ADAMTS2: variants seen among roughly 807,000 people sequenced by gnomAD.
ADAMTS2 encodes the protein A disintegrin and metalloproteinase with thrombospondin motifs 2.
ADAMTS2 carries 50 observed loss-of-function variants against 123.0 expected under a neutral mutation model. That is an observed-to-expected ratio of 0.41 (90% CI 0.32 to 0.51). The LOEUF is 0.51. ADAMTS2 is among the 20% of genes least tolerant of loss of function. ADAMTS2 has a pLI of 0.35. For synonymous variants in ADAMTS2, 678 were observed against 695.4 expected (o/e 0.98, Z 0.39); for missense variants, 1,494 against 1,705.2 (o/e 0.88, Z 2.18).
chr5:179,187,448 C>CAGTAAA (rs1764197235), intron 4 of ADAMTS2, among the ~76,000 whole-genome samples: 1 of 152,230 alleles, frequency 6.6e-6, no homozygotes, highest in South Asian at 2.1e-4. Context: ...AGTGTCTAGC[C>CAGTAAA]CATAGTAGGT....
intron 3 of ADAMTS2, among the ~76,000 whole-genome samples, chr5:179,245,800 A>AACAAC (rs1765789393): frequency 5.6e-5 from 8 of 142,734 alleles, no homozygotes; most frequent in African/African-American, 2.2e-4. Flanking sequence ...AAAAAACAAA[A>AACAAC]AAAACAAAGA....
In ADAMTS2 at chr5:179,262,855, C is replaced by T. The variant is rs9885424; in HGVS notation, c.688+10056G>A. On this transcript the variant is annotated intron_variant, in intron 3 of 21. Coordinates refer to ENST00000251582, the MANE Select transcript of ADAMTS2 (RefSeq NM_014244.5). The surrounding 1 kb of genome is among the most constrained non-coding windows in gnomAD (Gnocchi z 5.9). ...CGCTGCTACAGCCCCAGCACCCAGT[C>T]CTGTCAGACACATGGTGGACACATA... 0.055 allele frequency among the ~76,000 whole-genome samples: 8,423 copies of T among 152,350 alleles called. 389 individuals carry two copies. Among genetic ancestry groups the T allele is most frequent in the East Asian group, 0.2 (1,016 of 5,186 alleles).
chr5:179,171,823 C>T (rs573727411), intron 5 of ADAMTS2, among the ~76,000 whole-genome samples: 1 of 152,278 alleles, frequency 6.6e-6, no homozygotes, highest in East Asian at 1.9e-4. Context: ...TTCCAGGAGG[C>T]CAATCATCCC....
intron 6 of ADAMTS2, among the ~76,000 whole-genome samples, chr5:179,156,357 C>T (rs1430154423): frequency 6.9e-6 from 1 of 143,950 alleles, no homozygotes; most frequent in Non-Finnish European, 1.5e-5. Context: ...TTTCAGCTTT[C>T]GATTTTTTTT....
chr5:179,218,608 A>C (rs570980091), intron 3 of ADAMTS2, among the ~76,000 whole-genome samples: 1 of 152,334 alleles, frequency 6.6e-6, no homozygotes. Flanking sequence ...CAGCTCATCC[A>C]ATGCCATTTT....
chr5:179,257,463 G>A (rs1045467925), intron 3 of ADAMTS2, among the ~76,000 whole-genome samples: 2 of 152,128 alleles, frequency 1.3e-5, no homozygotes, highest in African/African-American at 2.4e-5. Context: ...CGCCCAGCCC[G>A]GGGAGTCCAG....
rs552568634 is a variant in ADAMTS2 at position 179,268,493 on chromosome 5, C to T, written c.688+4418G>A. On this transcript the variant is annotated intron_variant, in intron 3 of 21. Coordinates refer to ENST00000251582, the MANE Select transcript of ADAMTS2 (RefSeq NM_014244.5). ...GAGACCACATGCTCAACACGTGACT[C>T]GGGGTCTTTCTCACTGTGTGGCAAC... Among the ~76,000 whole-genome samples, 82 of 152,354 alleles carry T rather than the reference C, an allele frequency of 5.4e-4. No individual in the cohort carries two copies. The South Asian group carries it at 8.3e-3, about 15-fold the overall frequency.
At chr5:179,178,260 T>TC (rs930994643) in intron 5 of ADAMTS2, among the ~76,000 whole-genome samples, 5 of 93,630 alleles carry the variant, frequency 5.3e-5, no homozygotes, top group Non-Finnish European at 1.1e-4. Flanking sequence ...AGTCCAAAGA[T>TC]CCCCCCCGCA....
chr5:179,168,755 A>G (rs1209842128), intron 5 of ADAMTS2, among the ~76,000 whole-genome samples: 1 of 152,154 alleles, frequency 6.6e-6, no homozygotes, highest in African/African-American at 2.4e-5. Flanking sequence ...CTGCTCTGTG[A>G]GCACATGTTC....
Position 179,113,657 on chromosome 5 carries a change from T to G in ADAMTS2, c.*210A>C. The G allele has an allele frequency of 1.7e-5, 10 of 594,172 alleles. No homozygotes were observed. Among genetic ancestry groups the G allele is most frequent in the East Asian group, 3.0e-5 (1 of 33,830 alleles). 36.8% of individuals were successfully genotyped at this position (594,172 alleles called of 1,614,324 possible). On this transcript the variant is annotated 3_prime_UTR_variant, in exon 22 of 22. Transcript: ENST00000251582. Reference sequence around the variant, plus strand: ...CTGCACACCTGACGCCACCACAGTATTTGGTCGCTCCTGGGCTGGGAAGCA... The same window carrying G: ...CTGCACACCTGACGCCACCACAGTAGTTGGTCGCTCCTGGGCTGGGAAGCA...
intron 3 of ADAMTS2, among the ~76,000 whole-genome samples, chr5:179,211,590 T>C (rs1364008794): frequency 6.6e-6 from 1 of 152,208 alleles, no homozygotes; most frequent in Non-Finnish European, 1.5e-5. Context: ...TCCAGAGCCA[T>C]CCTGTTTTAG....
chr5:179,306,633 C>T (rs761597155), intron 2 of ADAMTS2, among the ~76,000 whole-genome samples: 4 of 152,144 alleles, frequency 2.6e-5, no homozygotes, highest in Non-Finnish European at 5.9e-5. Flanking sequence ...CAGGCCAGGG[C>T]AGGAAAGGGC....
chr5:179,125,107 A>C lies in ADAMTS2; in HGVS notation c.2824T>G (p.Cys942Gly). Residue 942 changes from cysteine (C) to glycine (G), a missense_variant, in exon 19 of 22, where the codon TGC becomes GGC. Coordinates refer to ENST00000251582, the MANE Select transcript of ADAMTS2 (RefSeq NM_014244.5). ...GTGTTGTCGTGTAGCGGCTGAATGC[A>C]GCGCACGGAGCGCACCTGCATGCCT... ...RTGMQVRSVR[C>G]IQPLHDNTTR... 1 of 1,612,908 alleles carries C rather than the reference A, an allele frequency of 6.2e-7. No individual in the cohort carries two copies. The highest frequency in any genetic ancestry group is 8.5e-7 in the Non-Finnish European group (1 of 1,179,876).
In ADAMTS2 at chr5:179,113,812, T is replaced by C; in HGVS notation, c.*55A>G. 3 of 1,552,322 alleles carry C rather than the reference T, an allele frequency of 1.9e-6. No individual in the cohort carries two copies. Among genetic ancestry groups the C allele is most frequent in the African/African-American group, 1.4e-5 (1 of 73,780 alleles). On this transcript the variant is annotated 3_prime_UTR_variant, in exon 22 of 22. Transcript: ENST00000251582. ...CCATGACACAGGATTTGCTATCCCA[T>C]GGAATATCTCTATAAGCAAGAAAAA...
chr5:179,295,518 C>T (rs1043068829), intron 2 of ADAMTS2, among the ~76,000 whole-genome samples: 3 of 152,192 alleles, frequency 2.0e-5, no homozygotes, highest in African/African-American at 7.2e-5. Flanking sequence ...CTGACTGATC[C>T]GACATGCCCT....
At chr5:179,249,607 G>A (rs1765873846) in intron 3 of ADAMTS2, among the ~76,000 whole-genome samples, 1 of 152,122 alleles carries the variant, frequency 6.6e-6, no homozygotes, top group Non-Finnish European at 1.5e-5. Flanking sequence ...GATTATAAGA[G>A]AATATTATGT....
chr5:179,125,957 G>T, intron 18 of ADAMTS2, 41 bp downstream of exon 18: 1 of 1,612,382 alleles, frequency 6.2e-7, no homozygotes. Context: ...GTGGCCCCTG[G>T]CCTGTCTCCT....
chr5:179,201,659 G>A (rs1173536268), intron 4 of ADAMTS2, among the ~76,000 whole-genome samples: 5 of 133,266 alleles, frequency 3.8e-5, no homozygotes, highest in African/African-American at 8.5e-5. Context: ...AAAATTAGAC[G>A]GCCGTGGTGG....
At chr5:179,194,541 T>C (rs1269181571) in intron 4 of ADAMTS2, among the ~76,000 whole-genome samples, 1 of 152,054 alleles carries the variant, frequency 6.6e-6, no homozygotes, top group African/African-American at 2.4e-5. Flanking sequence ...CTCCAAATGC[T>C]GTGGGGAGGT....
Sources: allele counts gnomAD v4.1 joint callset (sites outside exome capture counted in the v4.1 genomes callset), GRCh38; gene constraint gnomAD v4.1.1; non-coding constraint Gnocchi (gnomAD v3.1); transcripts MANE v1.5; gene names NCBI Gene and HGNC (gene_info 2026-07-23, HGNC 2026-07-21).